Variants in HECTD4 observed in about 807,000 individuals in gnomAD.
HECTD4 encodes probable E3 ubiquitin-protein ligase HECTD4.
A neutral mutation model predicts 471.5 loss-of-function variants in HECTD4; 114 were observed. The observed-to-expected ratio is 0.24, with a 90% confidence interval of 0.21 to 0.28. The LOEUF (loss-of-function observed/expected upper bound fraction) is 0.28, where lower values mean the gene tolerates loss of function less well. Ranked by LOEUF, HECTD4 falls within the 10% of genes least tolerant of loss-of-function variation. HECTD4 has a pLI of 1.00. For synonymous variants in HECTD4, 2,012 were observed against 2,256.0 expected (o/e 0.89, Z 3.07); for missense variants, 3,866 against 5,651.5 (o/e 0.68, Z 10.13).
At chr12:112,251,163 T>C in intron 23 of HECTD4, 29 bp from the exon 24 acceptor site, 1 of 1,608,142 alleles carries the variant, frequency 6.2e-7, no homozygotes, top group Non-Finnish European at 8.5e-7. Context: ...TAAACCACAC[T>C]GGTCAGTGTA....
chr12:112,223,943 A>G (rs924107938), intron 44 of HECTD4, among the ~76,000 whole-genome samples: 5 of 152,154 alleles, frequency 3.3e-5, no homozygotes, highest in African/African-American at 1.2e-4. Flanking sequence ...TTTGAGTATC[A>G]ATACATTATT....
At chr12:112,257,181 T>C (rs753756146) in intron 20 of HECTD4, among the ~76,000 whole-genome samples, 35 of 152,258 alleles carry the variant, frequency 2.3e-4, no homozygotes, top group Non-Finnish European at 4.6e-4. Flanking sequence ...AAAGCCTTAC[T>C]GTCCAATATG....
intron 54 of HECTD4, 81 bp from the exon 55 acceptor site, chr12:112,200,879 G>A: frequency 8.1e-7 from 1 of 1,227,542 alleles, no homozygotes. Flanking sequence ...GTGTGTGCGT[G>A]CGTGCGTGTG....
At chr12:112,259,582 C>T (rs7969611) in intron 18 of HECTD4, among the ~76,000 whole-genome samples, 5,938 of 139,608 alleles carry the variant, frequency 0.043, 261 homozygotes, top group African/African-American at 0.12. Context: ...TGCAGTGGTA[C>T]GATCACAGCT....
intron 45 of HECTD4, among the ~76,000 whole-genome samples, chr12:112,218,886 C>T (rs1453632438): frequency 6.6e-6 from 1 of 152,092 alleles, no homozygotes; most frequent in Non-Finnish European, 1.5e-5. Context: ...TGATGTGCAC[C>T]ACCATGCCCA....
intron 71 of HECTD4, 102 bp from the exon 72 acceptor site, chr12:112,167,640 A>G: frequency 4.7e-6 from 5 of 1,063,182 alleles, no homozygotes; most frequent in Non-Finnish European, 6.9e-6. Context: ...GCAGGAGAGA[A>G]GTCACTGCAA....
intron 1 of HECTD4, among the ~76,000 whole-genome samples, chr12:112,351,519 T>G (rs2036248176): frequency 6.6e-6 from 1 of 152,254 alleles, no homozygotes; most frequent in African/African-American, 2.4e-5. Context: ...GAAACAAGTC[T>G]GTTTAAGCAA....
Position 112,266,968 on chromosome 12 carries a change from A to G in HECTD4, c.2336T>C (p.Ile779Thr). The G allele has an allele frequency of 6.5e-7, 1 of 1,530,782 alleles. No homozygotes were observed. Among genetic ancestry groups the G allele is most frequent in the Non-Finnish European group, 8.9e-7 (1 of 1,126,398 alleles). 94.8% of individuals were successfully genotyped at this position (1,530,782 alleles called of 1,614,324 possible). The change falls in exon 14 of 76, where the codon ATC becomes ACC. Residue 779 changes from isoleucine (I) to threonine (T), a missense_variant. Ile to Thr is a moderately conservative substitution (Grantham distance 89, BLOSUM62 -1). Around this residue, in one of 16 missense-constraint regions of HECTD4, gnomAD observed 525 missense variants for 672.6 expected, o/e 0.78. Coordinates refer to ENST00000682272, the MANE Select transcript of HECTD4 (RefSeq NM_001388303.1). The stretch of plus-strand genomic sequence containing the variant: ...GATTTCAGTTTCACCTGGGTACAAG[A>G]TATTTAAACCAGAGCTGAAATGACA... ...VCLAISSGLNILYPGETEINN... is the reference protein window; with the variant it reads ...VCLAISSGLNTLYPGETEINN...
chr12:112,259,204 G>A lies in HECTD4; in HGVS notation c.2935C>T (p.Leu979=), dbSNP rs1181059729. ...TMLGHLLPVL[L]TSLMHPNLQT... Reference sequence around the variant, plus strand: ...AAATTTGGATGCATCAAGGAGGTCAGTAACACTGGAAGAAGGTGACCAAGC... The same window carrying A: ...AAATTTGGATGCATCAAGGAGGTCAATAACACTGGAAGAAGGTGACCAAGC... Residue 979 remains leucine, a synonymous_variant, in exon 19 of 76, where the codon CTG becomes TTG. Coordinates refer to ENST00000682272, the MANE Select transcript of HECTD4 (RefSeq NM_001388303.1). 1.2e-6 allele frequency: 2 copies of A among 1,613,940 alleles called. No individual in the cohort carries two copies. The highest frequency in any genetic ancestry group is 1.7e-6 in the Non-Finnish European group (2 of 1,179,834).
At chr12:112,315,811 G>T (rs940571236) in intron 2 of HECTD4, among the ~76,000 whole-genome samples, 5 of 149,534 alleles carry the variant, frequency 3.3e-5, no homozygotes, top group Non-Finnish European at 5.9e-5. Flanking sequence ...CAGGAGGATT[G>T]CTTGAACACA....
Position 112,382,295 on chromosome 12 carries a change from A to G in HECTD4, c.-167T>C. On this transcript the variant is annotated 5_prime_UTR_variant, in exon 1 of 76. Transcript: ENST00000682272. ...CGCCCTAGGCGGTCCGAGTCGCCATACCCCCGACCCCGGCCCGGGAGACCC... is the reference window on the plus strand; with the variant it reads ...CGCCCTAGGCGGTCCGAGTCGCCATGCCCCCGACCCCGGCCCGGGAGACCC... The G allele has an allele frequency of 1.9e-6, 1 of 516,124 alleles. No homozygotes were observed. Among genetic ancestry groups the G allele is most frequent in the Non-Finnish European group, 2.9e-6 (1 of 350,406 alleles). 32.0% of individuals were successfully genotyped at this position (516,124 alleles called of 1,614,324 possible).
intron 7 of HECTD4, among the ~76,000 whole-genome samples, chr12:112,289,739 T>A (rs941835450): frequency 6.6e-6 from 1 of 152,086 alleles, no homozygotes; most frequent in African/African-American, 2.4e-5. Context: ...TGCAGTGGCA[T>A]GATCTCAGCT....
chr12:112,259,468 T>C (rs1410346031), intron 18 of HECTD4, among the ~76,000 whole-genome samples: 1 of 151,456 alleles, frequency 6.6e-6, no homozygotes, highest in Non-Finnish European at 1.5e-5. Flanking sequence ...AAGCTATTAA[T>C]AGATTTCACC....
At chr12:112,314,807 G>A (rs1328008070) in intron 2 of HECTD4, among the ~76,000 whole-genome samples, 1 of 152,122 alleles carries the variant, frequency 6.6e-6, no homozygotes, top group Non-Finnish European at 1.5e-5. Flanking sequence ...ATTTTCCCCT[G>A]GCATAAAAGT....
chr12:112,180,763 A>G (rs1163314926), intron 62 of HECTD4, among the ~76,000 whole-genome samples: 2 of 152,168 alleles, frequency 1.3e-5, no homozygotes, highest in African/African-American at 4.8e-5. Context: ...CAGACCTGAC[A>G]TCGACTTTGG....
intron 1 of HECTD4, among the ~76,000 whole-genome samples, chr12:112,373,822 T>C (rs536151075): frequency 2.0e-5 from 3 of 149,902 alleles, no homozygotes; most frequent in African/African-American, 4.9e-5. Context: ...CTGGCCAACA[T>C]TGTGAAACCC....
Position 112,236,959 on chromosome 12 carries a change from G to T in HECTD4, c.5430C>A (p.Leu1810=). The T allele has an allele frequency of 6.2e-7, 1 of 1,611,226 alleles. No homozygotes were observed. Among genetic ancestry groups the T allele is most frequent in the Non-Finnish European group, 8.5e-7 (1 of 1,178,678 alleles). The change falls in exon 35 of 76, where the codon CTC becomes CTA. Residue 1810 remains leucine, a synonymous_variant. Transcript: ENST00000682272. ...ACCTTGCATACCTTGAGAGATCATT[G>T]AGAAGACTAAGGACATCCTGGAGCG... The part of the protein sequence containing the change: ...NDALQDVLSL[L]NDLSRSHIGK...
intron 52 of HECTD4, among the ~76,000 whole-genome samples, chr12:112,205,754 C>T (rs748047840): frequency 6.6e-6 from 1 of 151,910 alleles, no homozygotes; most frequent in Non-Finnish European, 1.5e-5. Context: ...CCACACTCGG[C>T]TAATATTTTT....
intron 1 of HECTD4, among the ~76,000 whole-genome samples, chr12:112,360,705 C>T (rs1369225718): frequency 2.6e-5 from 4 of 152,186 alleles, no homozygotes; most frequent in South Asian, 4.1e-4. Flanking sequence ...TAAGATTGGC[C>T]GGGGGCGGTG....
Sources: gnomAD v4.1 joint callset for allele counts (sites outside exome capture counted in the v4.1 genomes callset) on GRCh38, gnomAD v4.1.1 for gene constraint, gnomAD v4.1.1 regional missense constraint, MANE v1.5 for transcripts, NCBI Gene and HGNC (gene_info 2026-07-23, HGNC 2026-07-21) for gene names.